The following IQCH variants were observed in gnomAD, a reference collection of about 807,000 sequenced individuals.
IQCH encodes IQ motif containing H.
In IQCH, 98 loss-of-function variants were observed where a neutral mutation model predicts 117.0. The ratio of observed to expected loss-of-function variants is 0.84; its 90% CI spans 0.71 to 0.99. The LOEUF (loss-of-function observed/expected upper bound fraction) is 0.99, where lower values mean the gene tolerates loss of function less well. IQCH is among the 50% of genes least tolerant of loss of function. The probability of loss-of-function intolerance (pLI) is 0.00; values close to 1 mark genes in which losing one functional copy is unlikely to be tolerated. For missense variants in IQCH, 1,102 were observed against 1,243.8 expected (o/e 0.89, Z 1.72); for synonymous variants, 412 against 448.2 (o/e 0.92, Z 1.02).
rs1027582630 is a variant in IQCH, at chr15:67,266,581, C to T, written c.269+3365C>T. Among the ~76,000 whole-genome samples, 17 of 152,180 alleles carry T rather than the reference C, an allele frequency of 1.1e-4. No individual in the cohort carries two copies. In the East Asian group the frequency reaches 1.2e-3, roughly 10 times the overall value. On this transcript the variant is annotated intron_variant, in intron 3 of 20. Coordinates refer to ENST00000335894, the MANE Select transcript of IQCH (RefSeq NM_001031715.3). ...CTGAGGCAGGAGAATGGCGTGAACC[C>T]GGGAGGCAGAGCTTGCAGTGAGCCG... is the stretch of plus-strand genomic sequence containing the variant.
At chr15:67,280,173 G>A (rs996422284) in intron 4 of IQCH, among the ~76,000 whole-genome samples, 9 of 152,166 alleles carry the variant, frequency 5.9e-5, no homozygotes, top group Admixed American at 2.6e-4. Flanking sequence ...AGTTGTTTCA[G>A]ATATGTTCAT....
At chr15:67,343,143 G>A (rs1969243658) in intron 5 of IQCH, among the ~76,000 whole-genome samples, 2 of 152,062 alleles carry the variant, frequency 1.3e-5, no homozygotes, top group African/African-American at 4.8e-5. Context: ...AATAGCATTG[G>A]TCCCTCTTAG....
intron 3 of IQCH, among the ~76,000 whole-genome samples, chr15:67,274,470 TC>T (rs961434442): frequency 6.6e-6 from 1 of 152,212 alleles, no homozygotes; most frequent in Non-Finnish European, 1.5e-5. Context: ...ATTTTTTAGT[TC>T]AGCAAATGTA....
intron 20 of IQCH, among the ~76,000 whole-genome samples, chr15:67,497,771 T>G (rs2083862377): frequency 6.6e-6 from 1 of 152,140 alleles, no homozygotes. Flanking sequence ...ATTACAGCCG[T>G]GAACCACCGC....
In IQCH at chr15:67,381,993, GA is replaced by G. The variant is rs1970948921; in HGVS notation, c.1373-2941del. 6.8e-6 allele frequency among the ~76,000 whole-genome samples: 1 copy of G among 147,014 alleles called. No homozygotes were observed. The highest frequency in any genetic ancestry group is 1.5e-5 in the Non-Finnish European group (1 of 66,398). On this transcript the variant is annotated intron_variant, in intron 10 of 20. Coordinates refer to ENST00000335894, the MANE Select transcript of IQCH (RefSeq NM_001031715.3). The surrounding 1 kb of genome is among the most constrained non-coding windows in gnomAD (Gnocchi z 5.1). ...TGATACCCTGTCAAAAAAAAAAAAAGAATTAAAAGATTTTTTGAGTACGGGC... is the reference window on the plus strand; with the variant it reads ...TGATACCCTGTCAAAAAAAAAAAAAGATTAAAAGATTTTTTGAGTACGGGC...
intron 18 of IQCH, among the ~76,000 whole-genome samples, chr15:67,486,240 A>C (rs1002153450): frequency 6.8e-6 from 1 of 146,756 alleles, no homozygotes; most frequent in Non-Finnish European, 1.5e-5. Flanking sequence ...GCATTTCACC[A>C]TGCTGGCCAG....
At chr15:67,488,790 T>G (rs1203340238) in intron 18 of IQCH, among the ~76,000 whole-genome samples, 2 of 152,078 alleles carry the variant, frequency 1.3e-5, no homozygotes, top group African/African-American at 2.4e-5. Flanking sequence ...GGTTTCCCGC[T>G]CCTAGGAGAA....
At chr15:67,339,604 T>C (rs1260477365) in intron 5 of IQCH, among the ~76,000 whole-genome samples, 1 of 152,218 alleles carries the variant, frequency 6.6e-6, no homozygotes, top group Non-Finnish European at 1.5e-5. Flanking sequence ...AAGGCTAGGC[T>C]CAGATATTCA....
chr15:67,280,934 C>A (rs1033749542), intron 4 of IQCH, among the ~76,000 whole-genome samples: 1 of 152,084 alleles, frequency 6.6e-6, no homozygotes, highest in Non-Finnish European at 1.5e-5. Flanking sequence ...GCAACCTCTG[C>A]CCCTCAGGTT....
intron 5 of IQCH, among the ~76,000 whole-genome samples, chr15:67,343,318 A>G (rs1270258963): frequency 6.6e-6 from 1 of 152,206 alleles, no homozygotes; most frequent in Non-Finnish European, 1.5e-5. Context: ...AGTAGTCCCC[A>G]AGTTTTAGGT....
At chr15:67,303,797 C>A (rs1315918327) in intron 4 of IQCH, among the ~76,000 whole-genome samples, 2 of 152,078 alleles carry the variant, frequency 1.3e-5, no homozygotes, top group Non-Finnish European at 2.9e-5. Flanking sequence ...AGACAAGAGG[C>A]TTTTATTTTT....
intron 13 of IQCH, among the ~76,000 whole-genome samples, chr15:67,397,380 A>G (rs1006515396): frequency 2.0e-5 from 3 of 152,230 alleles, no homozygotes; most frequent in African/African-American, 7.2e-5. Flanking sequence ...GAGACACATC[A>G]GATTTGAGAG....
chr15:67,362,940 G>T (rs1032219705), intron 8 of IQCH, among the ~76,000 whole-genome samples: 1 of 152,204 alleles, frequency 6.6e-6, no homozygotes. Context: ...AAGGCACAGG[G>T]TGCCTCCCTG....
rs1362773919 is a variant in IQCH at position 67,365,789 on chromosome 15, G to T, written c.753+5904G>T. Among the ~76,000 whole-genome samples the T allele has an allele frequency of 6.6e-6, 1 of 152,158 alleles. No homozygotes were observed. Among genetic ancestry groups the T allele is most frequent in the Non-Finnish European group, 1.5e-5 (1 of 68,030 alleles). The stretch of plus-strand genomic sequence containing the variant: ...TACTAAAAATATAAAAGTTAGCCGG[G>T]TGTGGTGGCGCGTGCCTGTAATCCT... On this transcript the variant is annotated intron_variant, in intron 8 of 20. Transcript: ENST00000335894. This position sits in a 1 kb window ranked among gnomAD's most constrained non-coding sequence, Gnocchi z 4.4.
At position 67,401,424 on chromosome 15, in the gene IQCH, T is replaced by C. The variant is rs1471176155; in HGVS notation, c.2097+1119T>C. On this transcript the variant is annotated intron_variant, in intron 14 of 20. Coordinates refer to ENST00000335894, the MANE Select transcript of IQCH (RefSeq NM_001031715.3). The surrounding 1 kb of genome is among the most constrained non-coding windows in gnomAD (Gnocchi z 4.7). ...GTTAAAGCATAACCGATTAGGAAAATCACAATGCAAATTCCCTTAACTGGT... is the reference window on the plus strand; with the variant it reads ...GTTAAAGCATAACCGATTAGGAAAACCACAATGCAAATTCCCTTAACTGGT... Among the ~76,000 whole-genome samples, 5 of 152,180 alleles carry C rather than the reference T, an allele frequency of 3.3e-5. No homozygotes were observed. Among genetic ancestry groups the C allele is most frequent in the Non-Finnish European group, 1.5e-5 (1 of 68,046 alleles).
chr15:67,258,395 G>A (rs776506266), intron 1 of IQCH, among the ~76,000 whole-genome samples: 1 of 151,830 alleles, frequency 6.6e-6, no homozygotes, highest in African/African-American at 2.4e-5. Context: ...GCCGAGCGTG[G>A]TGGCATGCTC....
intron 6 of IQCH, among the ~76,000 whole-genome samples, chr15:67,355,995 G>T (rs1969876220): frequency 6.6e-6 from 1 of 152,082 alleles, no homozygotes; most frequent in South Asian, 2.1e-4. Flanking sequence ...CTGCTATTTT[G>T]TTTGAACATG....
chr15:67,255,211 C>G (rs2140414635), intron 1 of IQCH: 1 of 537,956 alleles, frequency 1.9e-6, no homozygotes, highest in South Asian at 2.5e-5. Context: ...GGAACCTTTA[C>G]TTCAGAAAAA....
rs2081361544 is a variant in IQCH, at chr15:67,408,381, A to G, written c.2097+8076A>G. 3 of 152,188 alleles carry G rather than the reference A, an allele frequency of 2.0e-5. No individual in the cohort carries two copies. The highest frequency in any genetic ancestry group is 1.3e-4 in the Admixed American group (2 of 15,276). 9.4% of individuals were successfully genotyped at this position (152,188 alleles called of 1,614,324 possible). On this transcript the variant is annotated intron_variant, in intron 14 of 20. Coordinates refer to ENST00000335894, the MANE Select transcript of IQCH (RefSeq NM_001031715.3). The surrounding 1 kb of genome is among the most constrained non-coding windows in gnomAD (Gnocchi z 4.2). Reference sequence around the variant, plus strand: ...TCGGTGAGACAGGGATGCCCTTGAGAAAACTCAGACTTTCCTGTGACTGTG... The same window carrying G: ...TCGGTGAGACAGGGATGCCCTTGAGGAAACTCAGACTTTCCTGTGACTGTG...
Sources: allele counts gnomAD v4.1 joint callset (sites outside exome capture counted in the v4.1 genomes callset), GRCh38; gene constraint gnomAD v4.1.1; non-coding constraint Gnocchi (gnomAD v3.1); transcripts MANE v1.5; gene names NCBI Gene and HGNC (gene_info 2026-07-23, HGNC 2026-07-21).